The following TECPR1 variants were observed in gnomAD, a reference collection of about 807,000 sequenced individuals.
TECPR1 encodes the protein tectonin beta-propeller repeat-containing protein 1.
A neutral mutation model predicts 162.4 loss-of-function variants in TECPR1; 122 were observed. The ratio of observed to expected loss-of-function variants is 0.75; its 90% confidence interval spans 0.65 to 0.87. The LOEUF (loss-of-function observed/expected upper bound fraction) is 0.87, where lower values mean the gene tolerates loss of function less well. Among genes scored for constraint, TECPR1 ranks in the 40% least tolerant of loss-of-function variants. The pLI is 0.00. For missense variants in TECPR1, 1,432 were observed against 1,618.2 expected (o/e 0.88, Z 1.97); for synonymous variants, 642 against 670.6 (o/e 0.96, Z 0.66).
chr7:98,228,069 A>G lies in TECPR1; in HGVS notation c.2458T>C (p.Cys820Arg). Residue 820 changes from cysteine (C) to arginine (R), a missense_variant, in exon 17 of 26, where the codon TGT becomes CGT. Transcript: ENST00000447648. ...SNIYTQSDVK[C>R]VHIYENQRWN... ...CGCTGGTTCTCATAGATGTGAACAC[A>G]CTTCACGTCTGACTGCGTGTAGATG... The G allele has an allele frequency of 6.2e-7, 1 of 1,613,022 alleles. No homozygotes were observed. Among genetic ancestry groups the G allele is most frequent in the South Asian group, 1.1e-5 (1 of 90,676 alleles).
chr7:98,226,920 G>A (rs1429904480), intron 17 of TECPR1, among the ~76,000 whole-genome samples: 2 of 151,856 alleles, frequency 1.3e-5, no homozygotes, highest in East Asian at 1.9e-4. Flanking sequence ...GCGACAGAGT[G>A]AGACTGTGTC....
At chr7:98,233,399 C>G (rs1798500988) in intron 11 of TECPR1, 22 bp downstream of exon 11, 12 of 1,433,080 alleles carry the variant, frequency 8.4e-6, no homozygotes, top group Non-Finnish European at 1.1e-5. Flanking sequence ...TGGATGCCCC[C>G]AGGCCCTGCA....
chr7:98,226,503 G>T, intron 17 of TECPR1: 1 of 1,024,116 alleles, frequency 9.8e-7, no homozygotes, highest in Non-Finnish European at 1.2e-6. Context: ...CCCCCAACAC[G>T]GACACACAGT....
intron 3 of TECPR1, among the ~76,000 whole-genome samples, chr7:98,245,537 T>C (rs12539998): frequency 0.23 from 35,356 of 152,098 alleles, 4,781 homozygotes; most frequent in East Asian, 0.46. Context: ...CAGGGCACGA[T>C]TATGGCTCAC....
Position 98,236,725 on chromosome 7 carries a change from C to T in TECPR1, c.1181+51G>A, listed in dbSNP as rs981012124. 1.5e-5 allele frequency: 24 copies of T among 1,564,206 alleles called. No homozygotes were observed. The African/African-American group carries it at 1.9e-4, about 13-fold the overall frequency. On this transcript the variant is annotated intron_variant, in intron 10 of 25. Coordinates refer to ENST00000447648, the MANE Select transcript of TECPR1 (RefSeq NM_015395.3). ...TCTTCTGGACATGACCACCTAGGCT[C>T]AGACGGCCCATCCCAGCCTGACTCC... is the stretch of plus-strand genomic sequence containing the variant.
chr7:98,217,559 G>C, intron 25 of TECPR1, 56 bp from the exon 26 acceptor site: 1 of 1,544,450 alleles, frequency 6.5e-7, no homozygotes. Flanking sequence ...ATCCTGGAGG[G>C]GATCTGCCTG....
At chr7:98,243,785 G>A (rs535135260) in intron 5 of TECPR1, among the ~76,000 whole-genome samples, 193 bp from the exon 6 acceptor site, 1 of 152,294 alleles carries the variant, frequency 6.6e-6, no homozygotes, top group South Asian at 2.1e-4. Context: ...CAGTAGAGAC[G>A]TGGTTTCACC....
rs1465538232 is a variant in TECPR1 at position 98,217,288 on chromosome 7, T to C, written c.*102A>G. 5 of 798,628 alleles carry C rather than the reference T, an allele frequency of 6.3e-6. No individual in the cohort carries two copies. Among genetic ancestry groups the C allele is most frequent in the African/African-American group, 3.5e-5 (2 of 57,590 alleles). The allele number at this position is 798,628 out of a possible 1,614,324, so 49.5% of individuals were successfully genotyped here. A position where few individuals can be genotyped will look rare whatever the true frequency, so the allele number is the denominator to read the frequency against. ...GGCCAGGTTCCCTCCTGAGTCCACC[T>C]GGGCCACATTGCTCCCACGGTGCAC... On this transcript the variant is annotated 3_prime_UTR_variant, in exon 26 of 26. Coordinates refer to ENST00000447648, the MANE Select transcript of TECPR1 (RefSeq NM_015395.3).
rs1490881641 is a variant in TECPR1 at position 98,231,101 on chromosome 7, C to T, written c.2142G>A (p.Leu714=). Residue 714 remains leucine (L), a synonymous_variant, in exon 15 of 26, where the codon CTG becomes CTA. Transcript: ENST00000447648. ...DMNDWLALLS[L]SCCESRKVQG... is the part of the protein sequence containing the mutation. The stretch of plus-strand genomic sequence containing the variant: ...GCACCTTCCGGCTCTCGCAGCAAGA[C>T]AGGCTGAGCAGGGCGAGCTGGTGTG... The T allele has an allele frequency of 5.6e-6, 9 of 1,601,960 alleles. No homozygotes were observed. The highest frequency in any genetic ancestry group is 1.7e-4 in the Middle Eastern group (1 of 6,040).
rs1798853347 is a variant in TECPR1, at chr7:98,244,627, GCACACAA to G, written c.468_474del (p.Cys157GlyfsTer38). 6.2e-7 allele frequency: 1 copy of G among 1,612,840 alleles called. No individual in the cohort carries two copies. The highest frequency in any genetic ancestry group is 1.3e-5 in the African/African-American group (1 of 74,914). On this transcript the variant is annotated frameshift_variant, in exon 5 of 26. Coordinates refer to ENST00000447648, the MANE Select transcript of TECPR1 (RefSeq NM_015395.3). LOFTEE classifies it high-confidence loss of function. ...CTGTACCGGATCCACTTCCGGCGCCGCACACAAGAATTCCACTTCTTGTCTTTCGTGT... is the reference window on the plus strand; with the variant it reads ...CTGTACCGGATCCACTTCCGGCGCCGGAATTCCACTTCTTGTCTTTCGTGT...
In TECPR1 at chr7:98,245,937, C is replaced by G. The variant is rs1217866953; in HGVS notation, c.210G>C (p.Glu70Asp). ...ASDVPIRRRE[E>D]AYENQRWNPM... ...GGGTCACTACCTGATTCTCATAGGC[C>G]TCCTCTCGGCGGCGGATGGGGACAT... Residue 70 changes from glutamate (E) to aspartate (D), a missense_variant, in exon 3 of 26, where the codon GAG becomes GAC. Glu to Asp is a conservative substitution (Grantham distance 45). Coordinates refer to ENST00000447648, the MANE Select transcript of TECPR1 (RefSeq NM_015395.3). 1 of 1,601,260 alleles carries G rather than the reference C, an allele frequency of 6.2e-7. No individual in the cohort carries two copies. Among genetic ancestry groups the G allele is most frequent in the Admixed American group, 1.7e-5 (1 of 58,398 alleles).
At chr7:98,228,876 C>G in intron 16 of TECPR1, 163 bp downstream of exon 16, 6 of 1,050,500 alleles carry the variant, frequency 5.7e-6, no homozygotes, top group Non-Finnish European at 8.0e-6. Flanking sequence ...TGGCAGGGAC[C>G]ATCCTGGGTG....
Position 98,232,732 on chromosome 7 carries a change from T to C in TECPR1, c.1818+95A>G, listed in dbSNP as rs1696192326. On this transcript the variant is annotated intron_variant, in intron 12 of 25. Coordinates refer to ENST00000447648, the MANE Select transcript of TECPR1 (RefSeq NM_015395.3). The surrounding 1 kb of genome is among the most constrained non-coding windows in gnomAD (Gnocchi z 4.6). ...CGGGAGACCAGGGGATGGAGGCATC[T>C]ATCTGTTTCTCTCAGAGCTGGTACA... 3.6e-6 allele frequency: 5 copies of C among 1,401,644 alleles called. No individual in the cohort carries two copies. The highest frequency in any genetic ancestry group is 4.7e-6 in the Non-Finnish European group (5 of 1,063,622). The allele number at this position is 1,401,644 out of a possible 1,614,324, so 86.8% of individuals were successfully genotyped here.
chr7:98,221,548 AACTCCTGATCTCAGGT>A (rs1224665910), intron 23 of TECPR1, 97 bp downstream of exon 23: 38 of 868,270 alleles, frequency 4.4e-5, no homozygotes, highest in Middle Eastern at 5.8e-4. Context: ...GCTGGTCTCG[AACTCCTGATCTCAGGT>A]GATCCGCTGG....
chr7:98,220,432 T>C (rs1019387501), intron 23 of TECPR1, among the ~76,000 whole-genome samples: 5 of 152,240 alleles, frequency 3.3e-5, no homozygotes, highest in African/African-American at 1.2e-4. Flanking sequence ...TCTTGCTCTG[T>C]CACCCAGGCT....
rs1798034660 is a variant in TECPR1 at position 98,217,289 on chromosome 7, G to A, written c.*101C>T. 2 of 801,882 alleles carry A rather than the reference G, an allele frequency of 2.5e-6. No individual in the cohort carries two copies. The highest frequency in any genetic ancestry group is 3.9e-6 in the Non-Finnish European group (2 of 518,418). The allele number at this position is 801,882 out of a possible 1,614,324, so 49.7% of individuals were successfully genotyped here. On this transcript the variant is annotated 3_prime_UTR_variant, in exon 26 of 26. Coordinates refer to ENST00000447648, the MANE Select transcript of TECPR1 (RefSeq NM_015395.3). ...GCCAGGTTCCCTCCTGAGTCCACCT[G>A]GGCCACATTGCTCCCACGGTGCACA...
chr7:98,247,169 G>T (rs1798932296), intron 2 of TECPR1, among the ~76,000 whole-genome samples: 1 of 151,872 alleles, frequency 6.6e-6, no homozygotes, highest in Non-Finnish European at 1.5e-5. Context: ...TAGAGACAGG[G>T]TCTTGCTCGG....
chr7:98,223,822 C>A, intron 19 of TECPR1, 104 bp from the exon 20 acceptor site: 1 of 1,295,832 alleles, frequency 7.7e-7, no homozygotes, highest in Non-Finnish European at 1.1e-6. Context: ...GGCATGGGGA[C>A]TGGGTGGAAG....
chr7:98,244,328 A>C (rs1056783184), intron 5 of TECPR1, among the ~76,000 whole-genome samples: 11 of 152,216 alleles, frequency 7.2e-5, no homozygotes, highest in African/African-American at 2.7e-4. Context: ...CAGCTTGGAC[A>C]CCAGGGTCAG....
Sources: gnomAD v4.1 joint callset for allele counts (sites outside exome capture counted in the v4.1 genomes callset) on GRCh38, gnomAD v4.1.1 for gene constraint, Gnocchi (gnomAD v3.1) non-coding constraint, MANE v1.5 for transcripts, NCBI Gene and HGNC (gene_info 2026-07-23, HGNC 2026-07-21) for gene names.